BRI3: variants seen among roughly 807,000 people sequenced by gnomAD.
The protein encoded by BRI3 is brain protein I3.
Under a neutral mutation model 12.8 loss-of-function variants are expected in BRI3, and 6 were observed. The ratio of observed to expected loss-of-function variants is 0.47; its 90% CI spans 0.26 to 0.93. The LOEUF is 0.93. Among genes scored for constraint, BRI3 ranks in the 40% least tolerant of loss-of-function variants. The pLI is 0.15. For missense variants in BRI3, 134 were observed against 171.1 expected (o/e 0.78, Z 1.21); for synonymous variants, 91 against 76.1 (o/e 1.20, Z -1.02).
At chr7:98,293,796 G>A (rs960532872), downstream of BRI3, among the ~76,000 whole-genome samples, 1 of 152,220 alleles carries the variant, frequency 6.6e-6, no homozygotes, top group Admixed American at 6.5e-5. Flanking sequence ...GCTGCAGAAC[G>A]ATCCCAGGTT....
the BRI3 span, chr7:98,315,524 C>T: frequency 1.2e-5 from 18 of 1,521,960 alleles, no homozygotes; most frequent in African/African-American, 8.4e-5. Flanking sequence ...AAAGCAGAAG[C>T]GCCTCTTCTC....
chr7:98,306,918 A>T (rs562648405), intron 1 of BRI3: 16 of 169,322 alleles, frequency 9.4e-5, no homozygotes, highest in Non-Finnish European at 1.8e-4. Context: ...GATTTGGATT[A>T]CCCCTTTTTT....
At chr7:98,320,172 TAA>T in the BRI3 span, 1 of 1,592,040 alleles carries the variant, frequency 6.3e-7, no homozygotes, top group Admixed American at 1.7e-5. Flanking sequence ...TTTGAGATTT[TAA>T]GCAAAATAAG....
chr7:98,315,674 G>A, the BRI3 span: 336,792 of 824,056 alleles, frequency 0.41, 72,149 homozygotes, highest in Middle Eastern at 0.48. Context: ...ATCAGATAGC[G>A]TGCAGCCTGA....
At chr7:98,289,542 A>C (rs927972246) in intron 2 of BRI3, among the ~76,000 whole-genome samples, 13 of 152,232 alleles carry the variant, frequency 8.5e-5, no homozygotes, top group African/African-American at 2.4e-4. Context: ...AGGCGGCTGC[A>C]CTGCCTTGCT....
upstream of BRI3, among the ~76,000 whole-genome samples, chr7:98,306,090 A>T (rs1020617697): frequency 1.3e-5 from 2 of 152,190 alleles, no homozygotes; most frequent in Non-Finnish European, 2.9e-5. Flanking sequence ...AGCATACAAC[A>T]GCGTTAAGGG....
the BRI3 span, among the ~76,000 whole-genome samples, chr7:98,316,350 C>G: frequency 6.6e-6 from 1 of 152,050 alleles, no homozygotes; most frequent in African/African-American, 2.4e-5. Flanking sequence ...ATGATTTAAC[C>G]TAAGCCTCAT....
chr7:98,288,129 A>G (rs1331491079), intron 2 of BRI3, among the ~76,000 whole-genome samples: 1 of 152,198 alleles, frequency 6.6e-6, no homozygotes, highest in Non-Finnish European at 1.5e-5. Flanking sequence ...TTTTCTAACC[A>G]GAATATACAG....
exon 2 of BRI3, chr7:98,308,633 A>G (rs567902989): frequency 4.4e-6 from 1 of 227,090 alleles, no homozygotes; most frequent in South Asian, 6.9e-5. Flanking sequence ...ACACAGGCTG[A>G]TATTTCCACT....
intron 2 of BRI3, among the ~76,000 whole-genome samples, chr7:98,286,445 C>T (rs540691595): frequency 2.6e-5 from 4 of 152,306 alleles, no homozygotes; most frequent in South Asian, 2.1e-4. Context: ...TCCCTGGCCG[C>T]GTGGCTTATT....
intron 2 of BRI3, among the ~76,000 whole-genome samples, chr7:98,288,948 A>G (rs1015262039): frequency 2.0e-5 from 3 of 151,986 alleles, no homozygotes; most frequent in Non-Finnish European, 4.4e-5. Flanking sequence ...GCAGGTGGGC[A>G]TGAAGTTTTT....
At chr7:98,296,198 G>A (rs1383616284), downstream of BRI3, among the ~76,000 whole-genome samples, 3 of 152,260 alleles carry the variant, frequency 2.0e-5, no homozygotes, top group Admixed American at 6.5e-5. Flanking sequence ...TTGGAGAAGG[G>A]ATGGTCACGG....
intron 2 of BRI3, among the ~76,000 whole-genome samples, chr7:98,284,010 G>A (rs1452520051): frequency 1.3e-5 from 2 of 152,218 alleles, no homozygotes; most frequent in Non-Finnish European, 2.9e-5. Flanking sequence ...CATGGCTTCC[G>A]CTAACCTGGA....
chr7:98,311,959 T>G, downstream of BRI3: 1 of 828,816 alleles, frequency 1.2e-6, no homozygotes, highest in Non-Finnish European at 1.9e-6. Context: ...CCCCTAAAGG[T>G]AAGGGGATAG....
At chr7:98,320,024 C>T in the BRI3 span, 1 of 1,585,538 alleles carries the variant, frequency 6.3e-7, no homozygotes, top group Non-Finnish European at 8.6e-7. Context: ...TCAGGCAGCC[C>T]AAGGCTGGGG....
chr7:98,307,382 A>C (rs912596766), intron 1 of BRI3: 1 of 1,187,524 alleles, frequency 8.4e-7, no homozygotes, highest in Admixed American at 4.0e-5. Flanking sequence ...CTGGGATTAC[A>C]AGCATGAGCC....
upstream of BRI3, among the ~76,000 whole-genome samples, chr7:98,305,062 T>G (rs1379251691): frequency 6.8e-6 from 1 of 146,996 alleles, no homozygotes; most frequent in Non-Finnish European, 1.5e-5. Context: ...TTTTTTTTTT[T>G]TTTTTTTTAG....
At chr7:98,301,242 G>A (rs894262046) in intron 1 of BRI3, among the ~76,000 whole-genome samples, 3 of 152,100 alleles carry the variant, frequency 2.0e-5, no homozygotes, top group African/African-American at 4.8e-5. Flanking sequence ...CCCTGTGGGC[G>A]TCACCTCCAC....
At chr7:98,317,015 A>G in the BRI3 span, among the ~76,000 whole-genome samples, 1 of 151,980 alleles carries the variant, frequency 6.6e-6, no homozygotes, top group Non-Finnish European at 1.5e-5. Flanking sequence ...GGTACCTGCC[A>G]TCACCCCAGC....
Sources: allele counts gnomAD v4.1 joint callset (sites outside exome capture counted in the v4.1 genomes callset), GRCh38; gene constraint gnomAD v4.1.1; transcripts MANE v1.5; gene names NCBI Gene and HGNC (gene_info 2026-07-23, HGNC 2026-07-21).